Variants in PDE4D observed in about 807,000 individuals in gnomAD.
The protein encoded by PDE4D is phosphodiesterase 4D, also known as 3',5'-cyclic-AMP phosphodiesterase 4D.
PDE4D carries 24 observed loss-of-function variants against 87.4 expected under a neutral mutation model. The observed-to-expected ratio is 0.27, with a 90% CI of 0.20 to 0.39. The LOEUF (loss-of-function observed/expected upper bound fraction) is 0.39, where lower values mean the gene tolerates loss of function less well. Among genes scored for constraint, PDE4D ranks in the 10% least tolerant of loss-of-function variants. The pLI is 1.00. For missense variants in PDE4D, 714 were observed against 1,041.0 expected, an observed-to-expected ratio of 0.69 and a Z score of 4.32; for synonymous variants, 384 against 383.2, an observed-to-expected ratio of 1.00 and a Z score of -0.02.
At chr5:59,084,075 T>A (rs1442734030) in intron 5 of PDE4D, among the ~76,000 whole-genome samples, 1 of 151,992 alleles carries the variant, frequency 6.6e-6, no homozygotes, top group African/African-American at 2.4e-5. Flanking sequence ...AAAATAAGAT[T>A]AAGAGGGAAT....
intron 1 of PDE4D, among the ~76,000 whole-genome samples, chr5:60,341,676 T>C (rs1384982346): frequency 2.0e-5 from 3 of 152,114 alleles, no homozygotes; most frequent in African/African-American, 7.2e-5. Context: ...ACAGAGCGTT[T>C]CCCAAGCAAA....
At chr5:60,050,500 C>T (rs563976887) in intron 2 of PDE4D, among the ~76,000 whole-genome samples, 63 of 152,276 alleles carry the variant, frequency 4.1e-4, no homozygotes, top group African/African-American at 1.4e-3. Context: ...GATTTTGTCA[C>T]CACCAGGCCT....
chr5:59,297,449 G>T (rs552160072), intron 1 of PDE4D, among the ~76,000 whole-genome samples: 4 of 152,144 alleles, frequency 2.6e-5, no homozygotes, highest in African/African-American at 9.6e-5. Context: ...TATAGATGAG[G>T]TTATACTTGC....
At chr5:60,471,963 T>A (rs1747847984) in intron 1 of PDE4D, among the ~76,000 whole-genome samples, 6 of 152,056 alleles carry the variant, frequency 3.9e-5, no homozygotes, top group Admixed American at 3.9e-4. Context: ...AGCCCGGGGA[T>A]AGTCTGGTAG....
At chr5:59,393,561 T>A (rs1024236913) in intron 1 of PDE4D, among the ~76,000 whole-genome samples, 1 of 152,232 alleles carries the variant, frequency 6.6e-6, no homozygotes, top group African/African-American at 2.4e-5. Flanking sequence ...CCTGAGATAA[T>A]CTCATTCTAG....
intron 1 of PDE4D, among the ~76,000 whole-genome samples, chr5:59,317,904 C>T (rs555347375): frequency 6.6e-6 from 1 of 152,274 alleles, no homozygotes; most frequent in Admixed American, 6.5e-5. Context: ...ATGGTTGACT[C>T]AATTGTTCCT....
At chr5:60,098,078 C>T (rs1054539873) in intron 2 of PDE4D, among the ~76,000 whole-genome samples, 15 of 151,922 alleles carry the variant, frequency 9.9e-5, no homozygotes, top group Middle Eastern at 3.4e-3. Flanking sequence ...TCTTTTATCA[C>T]GGGTCACGGC....
intron 5 of PDE4D, among the ~76,000 whole-genome samples, chr5:59,064,067 AT>A (rs981386676): frequency 1.3e-5 from 2 of 151,994 alleles, no homozygotes; most frequent in Non-Finnish European, 2.9e-5. Flanking sequence ...GTTAAAAAAA[AT>A]GAGAAAAAAA....
intron 1 of PDE4D, among the ~76,000 whole-genome samples, chr5:59,566,581 T>A (rs13186140): frequency 0.71 from 103,635 of 145,284 alleles, 36,371 homozygotes; most frequent in South Asian, 0.84. Flanking sequence ...TGTGTGTGTG[T>A]GTGAGAGAAT....
chr5:60,388,254 G>A (rs1762328568), intron 1 of PDE4D, among the ~76,000 whole-genome samples: 1 of 152,022 alleles, frequency 6.6e-6, no homozygotes, highest in Non-Finnish European at 1.5e-5. Context: ...GACAAAAAGT[G>A]CATGATCTAA....
At chr5:59,926,111 T>G (rs1021060852) in intron 3 of PDE4D, among the ~76,000 whole-genome samples, 4 of 152,148 alleles carry the variant, frequency 2.6e-5, no homozygotes, top group Admixed American at 1.3e-4. Flanking sequence ...GACCACATGT[T>G]AGGCCACAAA....
chr5:59,725,245 T>C (rs770448932), intron 1 of PDE4D, among the ~76,000 whole-genome samples: 5 of 152,132 alleles, frequency 3.3e-5, no homozygotes, highest in Non-Finnish European at 5.9e-5. Flanking sequence ...AGGACTCATA[T>C]AGCCTTTAGC....
intron 1 of PDE4D, among the ~76,000 whole-genome samples, chr5:59,466,705 A>G (rs1801632241): frequency 6.6e-6 from 1 of 152,204 alleles, no homozygotes; most frequent in Non-Finnish European, 1.5e-5. Flanking sequence ...ATTTAATATT[A>G]TATGCCAGCC....
At chr5:60,421,628 C>G (rs1383519232) in intron 1 of PDE4D, among the ~76,000 whole-genome samples, 1 of 152,154 alleles carries the variant, frequency 6.6e-6, no homozygotes. Context: ...AACCAGAGTG[C>G]CTCTTCTCTT....
intron 1 of PDE4D, among the ~76,000 whole-genome samples, chr5:59,720,816 C>A (rs1424433234): frequency 6.6e-6 from 1 of 152,070 alleles, no homozygotes; most frequent in Admixed American, 6.6e-5. Flanking sequence ...GGTCAAGGCC[C>A]AGAGTGGCTG....
At position 59,655,958 on chromosome 5, in the gene PDE4D, G is replaced by C. The variant is rs191103922; in HGVS notation, c.455+237210C>G. 3.3e-5 allele frequency among the ~76,000 whole-genome samples: 5 copies of C among 152,260 alleles called. No individual in the cohort carries two copies. The East Asian group carries it at 7.7e-4, about 23-fold the overall frequency. On this transcript the variant is annotated intron_variant, in intron 1 of 14. Transcript: ENST00000340635. Reference sequence around the variant, plus strand: ...AGTTAAAGGAATAGTGCCCGGCTATGTTCATTTGTCCAGTCTCTACTGTCA... The same window carrying C: ...AGTTAAAGGAATAGTGCCCGGCTATCTTCATTTGTCCAGTCTCTACTGTCA...
chr5:59,931,087 T>C (rs891367637), intron 3 of PDE4D, among the ~76,000 whole-genome samples: 5 of 152,234 alleles, frequency 3.3e-5, no homozygotes, highest in Non-Finnish European at 7.3e-5. Context: ...TTACTATTTA[T>C]GAATTAAACA....
chr5:59,372,875 C>T (rs1444552244), intron 1 of PDE4D, among the ~76,000 whole-genome samples: 1 of 152,104 alleles, frequency 6.6e-6, no homozygotes, highest in African/African-American at 2.4e-5. Context: ...TCATACAAGT[C>T]CCCCAGAGTT....
chr5:59,172,642 A>G (rs1783194226), intron 5 of PDE4D, among the ~76,000 whole-genome samples: 1 of 151,658 alleles, frequency 6.6e-6, no homozygotes, highest in South Asian at 2.1e-4. Context: ...TGGGAGGCGG[A>G]GGTTGCAATG....
Sources: allele counts gnomAD v4.1 joint callset (sites outside exome capture counted in the v4.1 genomes callset), GRCh38; gene constraint gnomAD v4.1.1; transcripts MANE v1.5; gene names NCBI Gene and HGNC (gene_info 2026-07-23, HGNC 2026-07-21).